Variants in FSIP1 observed in about 807,000 individuals in gnomAD.
FSIP1 encodes fibrous sheath-interacting protein 1.
Under a neutral mutation model 60.9 loss-of-function variants are expected in FSIP1, and 65 were observed. That is an observed-to-expected ratio of 1.07 (90% CI 0.87 to 1.31). The LOEUF (loss-of-function observed/expected upper bound fraction) is 1.31. Among genes scored for constraint, FSIP1 ranks in the 40% most tolerant of loss-of-function variants. The pLI is 0.00. For synonymous variants in FSIP1, 209 were observed against 221.2 expected (o/e 0.94, Z 0.49); for missense variants, 675 against 665.5 (o/e 1.01, Z -0.16).
chr15:39,699,930 G>T (rs936206982), intron 10 of FSIP1, among the ~76,000 whole-genome samples: 3 of 152,160 alleles, frequency 2.0e-5, no homozygotes, highest in South Asian at 4.1e-4. Context: ...GCTGAGAATG[G>T]GAGAGCTGCA....
At chr15:39,713,007 A>G (rs74512530) in intron 10 of FSIP1, among the ~76,000 whole-genome samples, 3,200 of 152,308 alleles carry the variant, frequency 0.021, 116 homozygotes, top group African/African-American at 0.074. Flanking sequence ...GAATATTAGG[A>G]TTATGGATTA....
chr15:39,701,291 G>T (rs945501236), intron 10 of FSIP1, among the ~76,000 whole-genome samples: 1 of 152,038 alleles, frequency 6.6e-6, no homozygotes, highest in African/African-American at 2.4e-5. Context: ...AGCTAAGAAG[G>T]GCAATAAGAA....
At chr15:39,744,894 G>A (rs1896942675) in intron 5 of FSIP1, among the ~76,000 whole-genome samples, 1 of 151,972 alleles carries the variant, frequency 6.6e-6, no homozygotes, top group African/African-American at 2.4e-5. Flanking sequence ...GGGTCGTGAT[G>A]AGGGGGTGGC....
chr15:39,676,278 A>G (rs1293084120), intron 10 of FSIP1, among the ~76,000 whole-genome samples: 1 of 152,116 alleles, frequency 6.6e-6, no homozygotes, highest in Admixed American at 6.6e-5. Flanking sequence ...CTGAAAAAGC[A>G]CACTCTGGAA....
chr15:39,655,569 G>A (rs1249578765), intron 10 of FSIP1, among the ~76,000 whole-genome samples: 6 of 152,252 alleles, frequency 3.9e-5, no homozygotes, highest in East Asian at 3.9e-4. Flanking sequence ...GTGTTGTAAC[G>A]ACTGAGGCTC....
intron 5 of FSIP1, among the ~76,000 whole-genome samples, chr15:39,755,029 A>T (rs1897260520): frequency 6.6e-6 from 1 of 152,090 alleles, no homozygotes; most frequent in Non-Finnish European, 1.5e-5. Context: ...TTTAAGGAGA[A>T]GAGGGAAACT....
intron 10 of FSIP1, among the ~76,000 whole-genome samples, chr15:39,620,565 T>C (rs920836618): frequency 2.6e-5 from 4 of 151,748 alleles, no homozygotes; most frequent in African/African-American, 7.2e-5. Flanking sequence ...AAAGTTAAAA[T>C]TAAATATAAA....
chr15:39,624,654 C>A (rs1459045716), intron 10 of FSIP1, among the ~76,000 whole-genome samples: 1 of 152,198 alleles, frequency 6.6e-6, no homozygotes, highest in Non-Finnish European at 1.5e-5. Context: ...CTTTTCCATT[C>A]TCCCACCTTC....
intron 8 of FSIP1, among the ~76,000 whole-genome samples, chr15:39,732,229 C>T (rs1896432534): frequency 6.6e-6 from 1 of 152,206 alleles, no homozygotes; most frequent in Non-Finnish European, 1.5e-5. Context: ...CACCGCTCAT[C>T]CCCTCCGGCT....
At chr15:39,708,537 C>T (rs1192583505) in intron 10 of FSIP1, among the ~76,000 whole-genome samples, 1 of 152,166 alleles carries the variant, frequency 6.6e-6, no homozygotes, top group Non-Finnish European at 1.5e-5. Flanking sequence ...CTTTAAATCT[C>T]TTTGGGAAGT....
At chr15:39,668,188 A>G (rs1165032796) in intron 10 of FSIP1, among the ~76,000 whole-genome samples, 1 of 127,180 alleles carries the variant, frequency 7.9e-6, no homozygotes, top group Non-Finnish European at 1.7e-5. Flanking sequence ...CTAATGAACT[A>G]TATCATTAAA....
chr15:39,757,609 T>C (rs1380330641), intron 5 of FSIP1, among the ~76,000 whole-genome samples: 2 of 152,028 alleles, frequency 1.3e-5, no homozygotes, highest in African/African-American at 2.4e-5. Flanking sequence ...AAAACAGATA[T>C]GTGTGGCAAT....
At chr15:39,698,063 C>A (rs1894891901) in intron 10 of FSIP1, among the ~76,000 whole-genome samples, 1 of 151,534 alleles carries the variant, frequency 6.6e-6, no homozygotes, top group African/African-American at 2.4e-5. Flanking sequence ...CTGAAACTGC[C>A]CTGTCAATAG....
intron 6 of FSIP1, among the ~76,000 whole-genome samples, chr15:39,740,731 G>C (rs565097823): frequency 1.1e-4 from 16 of 152,232 alleles, no homozygotes; most frequent in African/African-American, 3.9e-4. Context: ...TTTATAGCTA[G>C]TTATCAAAGA....
Position 39,649,479 on chromosome 15 carries a change from T to A in FSIP1, c.1189-31234A>T, listed in dbSNP as rs1311397412. On this transcript the variant is annotated intron_variant, in intron 10 of 11. Coordinates refer to ENST00000350221, the MANE Select transcript of FSIP1 (RefSeq NM_152597.5). ...TTCAAGATACCAGAAATGACTGAGA[T>A]GGAATTTACTCTAGCTTACTTCTTA... Among the ~76,000 whole-genome samples, 4 of 152,346 alleles carry A rather than the reference T, an allele frequency of 2.6e-5. No homozygotes were observed. In the East Asian group the frequency reaches 7.7e-4, roughly 29 times the overall value.
rs114396618 is a variant in FSIP1 at position 39,770,799 on chromosome 15, T to A, written c.127-189A>T. Among the ~76,000 whole-genome samples, 1,021 of 152,328 alleles carry A rather than the reference T, an allele frequency of 6.7e-3. 15 individuals are homozygous for A. The highest frequency in any genetic ancestry group is 0.024 in the African/African-American group (980 of 41,582). ...AATTTAACTACACAATTCCATGTAA[T>A]AACATTTGCACCATTCTCCAGCAAT... On this transcript the variant is annotated intron_variant, in intron 2 of 11. Coordinates refer to ENST00000350221, the MANE Select transcript of FSIP1 (RefSeq NM_152597.5).
intron 5 of FSIP1, among the ~76,000 whole-genome samples, chr15:39,749,230 G>A: frequency 1.7e-5 from 2 of 114,414 alleles, no homozygotes; most frequent in African/African-American, 3.6e-5. Context: ...AACTCTCCAA[G>A]AAGAATTAAT....
chr15:39,719,093 T>C (rs1018982299), intron 9 of FSIP1, among the ~76,000 whole-genome samples: 1 of 152,190 alleles, frequency 6.6e-6, no homozygotes, highest in Non-Finnish European at 1.5e-5. Context: ...CGAAAAATAC[T>C]GTATGATGAA....
intron 11 of FSIP1, chr15:39,602,395 C>G (rs1366523810): frequency 2.2e-6 from 1 of 455,432 alleles, no homozygotes; most frequent in South Asian, 1.6e-5. Flanking sequence ...TTTCAAACTT[C>G]TGGCCTCCAA....
Sources: gnomAD v4.1 joint callset for allele counts (sites outside exome capture counted in the v4.1 genomes callset) on GRCh38, gnomAD v4.1.1 for gene constraint, MANE v1.5 for transcripts, NCBI Gene and HGNC (gene_info 2026-07-23, HGNC 2026-07-21) for gene names.